TAF1B: variants seen among roughly 807,000 people sequenced by gnomAD.
TAF1B encodes the protein TATA-box binding protein associated factor, RNA polymerase I subunit B.
A neutral mutation model predicts 83.9 loss-of-function variants in TAF1B; 61 were observed. The observed-to-expected ratio is 0.73, with a 90% confidence interval of 0.59 to 0.90. The LOEUF is 0.90. Among genes scored for constraint, TAF1B ranks in the 40% least tolerant of loss-of-function variants. TAF1B has a pLI of 0.00. For missense variants in TAF1B, 625 were observed against 677.0 expected (o/e 0.92, Z 0.85); for synonymous variants, 221 against 224.6 (o/e 0.98, Z 0.14).
intron 5 of TAF1B, among the ~76,000 whole-genome samples, chr2:9,861,663 G>A (rs1481770248): frequency 1.3e-5 from 2 of 152,234 alleles, no homozygotes; most frequent in Non-Finnish European, 2.9e-5. Context: ...GTGGGTCCCT[G>A]ATCCCTGAGT....
At chr2:9,867,332 T>G (rs1330478909) in intron 5 of TAF1B, among the ~76,000 whole-genome samples, 1 of 152,184 alleles carries the variant, frequency 6.6e-6, no homozygotes, top group Admixed American at 6.5e-5. Flanking sequence ...CTGGCAGTGG[T>G]AACCTGTGGG....
chr2:9,924,555 T>A lies in TAF1B; in HGVS notation c.1565+4735T>A, dbSNP rs117162044. 1.3e-4 allele frequency among the ~76,000 whole-genome samples: 20 copies of A among 152,344 alleles called. No individual in the cohort carries two copies. The East Asian group carries it at 3.7e-3, about 28-fold the overall frequency. On this transcript the variant is annotated intron_variant, in intron 14 of 14. Transcript: ENST00000263663. ...CCCTGCTTCAGCACAGCACCTGTCC[T>A]AAGACGCTGTGTGCCTTCGTGGTGG...
intron 10 of TAF1B, 99 bp downstream of exon 10, chr2:9,911,012 G>A: frequency 8.5e-7 from 1 of 1,170,008 alleles, no homozygotes; most frequent in Non-Finnish European, 1.2e-6. Flanking sequence ...TAAAAAAAGA[G>A]CTAAAGAAAA....
At chr2:9,873,230 T>C (rs1347284285) in intron 6 of TAF1B, among the ~76,000 whole-genome samples, 2 of 152,134 alleles carry the variant, frequency 1.3e-5, no homozygotes, top group African/African-American at 2.4e-5. Flanking sequence ...GGTGTTTATA[T>C]TGTAGTAGGA....
At chr2:9,887,080 A>G (rs1664698511) in intron 8 of TAF1B, among the ~76,000 whole-genome samples, 1 of 152,060 alleles carries the variant, frequency 6.6e-6, no homozygotes, top group African/African-American at 2.4e-5. Context: ...AAAAAGATTT[A>G]TATTGCCCAC....
intron 5 of TAF1B, among the ~76,000 whole-genome samples, chr2:9,864,898 G>C (rs2125144091): frequency 6.6e-6 from 1 of 152,316 alleles, no homozygotes; most frequent in East Asian, 1.9e-4. Context: ...AACGCTTCAT[G>C]TTAAAAACTC....
At chr2:9,870,070 CTTCA>C (rs1188340175) in intron 6 of TAF1B, among the ~76,000 whole-genome samples, 1 of 151,718 alleles carries the variant, frequency 6.6e-6, no homozygotes, top group African/African-American at 2.4e-5. Flanking sequence ...TGAATTATTT[CTTCA>C]TTCTTTAAAT....
intron 8 of TAF1B, among the ~76,000 whole-genome samples, chr2:9,896,749 CA>C (rs1242510028): frequency 4.0e-5 from 6 of 151,318 alleles, no homozygotes; most frequent in African/African-American, 4.9e-5. Context: ...ACAAATCTGG[CA>C]AAACTCACTT....
chr2:9,850,256 C>G (rs1558612614), intron 3 of TAF1B, among the ~76,000 whole-genome samples: 2 of 152,104 alleles, frequency 1.3e-5, no homozygotes, highest in South Asian at 2.1e-4. Flanking sequence ...TTTAAACATG[C>G]ATTTCTTAAG....
chr2:9,901,826 A>T (rs917131714), intron 8 of TAF1B, among the ~76,000 whole-genome samples: 2 of 152,176 alleles, frequency 1.3e-5, no homozygotes, highest in African/African-American at 4.8e-5. Context: ...TCTCTTTAAA[A>T]TTCACAGATT....
chr2:9,847,425 G>A (rs974962183), intron 2 of TAF1B, among the ~76,000 whole-genome samples: 1 of 152,196 alleles, frequency 6.6e-6, no homozygotes, highest in Non-Finnish European at 1.5e-5. Context: ...GCAGTGTGGC[G>A]ATGGTGATGT....
intron 14 of TAF1B, among the ~76,000 whole-genome samples, chr2:9,932,086 T>G (rs1666232443): frequency 6.6e-6 from 1 of 152,204 alleles, no homozygotes; most frequent in Admixed American, 6.5e-5. Flanking sequence ...TTCAAGGTTT[T>G]TAGCTTCCTT....
At position 9,875,849 on chromosome 2, in the gene TAF1B, C is replaced by T; in HGVS notation, c.554-16C>T. 1 of 1,550,282 alleles carries T rather than the reference C, an allele frequency of 6.5e-7. No individual in the cohort carries two copies. The highest frequency in any genetic ancestry group is 1.4e-5 in the African/African-American group (1 of 73,264). On this transcript the variant is annotated splice_polypyrimidine_tract_variant and intron_variant, in intron 6 of 14. Transcript: ENST00000263663. ...TAGTTCACTGGATTTTTAAAAATCT[C>T]CATTTATCTCCTAAGAAACGTCTGT...
At chr2:9,867,932 G>A (rs1664044098) in intron 5 of TAF1B, among the ~76,000 whole-genome samples, 1 of 152,134 alleles carries the variant, frequency 6.6e-6, no homozygotes, top group Non-Finnish European at 1.5e-5. Flanking sequence ...CCCCAGGTAG[G>A]TTTGGTAAAA....
chr2:9,871,831 G>A (rs1664176360), intron 6 of TAF1B, among the ~76,000 whole-genome samples: 1 of 151,066 alleles, frequency 6.6e-6, no homozygotes, highest in Non-Finnish European at 1.5e-5. Flanking sequence ...AACTGGGTAG[G>A]AAGAAGAAGA....
chr2:9,925,769 G>A (rs1666016537), intron 14 of TAF1B, among the ~76,000 whole-genome samples: 1 of 151,974 alleles, frequency 6.6e-6, no homozygotes. Context: ...TAGAGACGGG[G>A]TTTCATCATG....
intron 14 of TAF1B, among the ~76,000 whole-genome samples, chr2:9,927,510 C>G (rs543233315): frequency 6.6e-6 from 1 of 152,370 alleles, no homozygotes; most frequent in East Asian, 1.9e-4. Context: ...ATTCCTGTTT[C>G]TTCACATCCT....
chr2:9,900,051 C>T (rs1185121640), intron 8 of TAF1B, among the ~76,000 whole-genome samples: 1 of 152,158 alleles, frequency 6.6e-6, no homozygotes, highest in Non-Finnish European at 1.5e-5. Context: ...ATAATGTTCT[C>T]ACAGGCTATC....
At chr2:9,905,795 T>C (rs4669487) in intron 9 of TAF1B, among the ~76,000 whole-genome samples, 78,168 of 152,006 alleles carry the variant, frequency 0.51, 23,109 homozygotes, top group Non-Finnish European at 0.68. Flanking sequence ...ATTGTATGTA[T>C]AGTAACTATA....
Sources: allele counts gnomAD v4.1 joint callset (sites outside exome capture counted in the v4.1 genomes callset), GRCh38; gene constraint gnomAD v4.1.1; transcripts MANE v1.5; gene names NCBI Gene and HGNC (gene_info 2026-07-23, HGNC 2026-07-21).